ARHGEF3: variants seen among roughly 807,000 people sequenced by gnomAD.
ARHGEF3 encodes Rho guanine nucleotide exchange factor 3.
In ARHGEF3, 28 loss-of-function variants were observed where a neutral mutation model predicts 63.2. That is an observed-to-expected ratio of 0.44 (90% CI 0.33 to 0.61). ARHGEF3 has a LOEUF of 0.61. ARHGEF3 is among the 20% of genes least tolerant of loss of function. The probability of loss-of-function intolerance (pLI) is 0.03; values close to 1 mark genes in which losing one functional copy is unlikely to be tolerated. For missense variants in ARHGEF3, 533 were observed against 659.3 expected, an observed-to-expected ratio of 0.81 and a Z score of 2.10; for synonymous variants, 266 against 254.2, an observed-to-expected ratio of 1.05 and a Z score of -0.44.
At chr3:57,055,820 G>A (rs969330024) in intron 1 of ARHGEF3, among the ~76,000 whole-genome samples, 4 of 152,196 alleles carry the variant, frequency 2.6e-5, no homozygotes, top group Non-Finnish European at 2.9e-5. Context: ...CCTACTGTTT[G>A]AGAGAATTTT....
At chr3:56,971,384 C>A (rs1017803215) in intron 2 of ARHGEF3, among the ~76,000 whole-genome samples, 2 of 152,218 alleles carry the variant, frequency 1.3e-5, no homozygotes, top group Admixed American at 1.3e-4. Flanking sequence ...CGTGCTGGAT[C>A]CTTTATAAAT....
intron 2 of ARHGEF3, among the ~76,000 whole-genome samples, chr3:56,965,442 GT>G (rs1560089717): frequency 6.6e-6 from 1 of 152,044 alleles, no homozygotes; most frequent in African/African-American, 2.4e-5. Flanking sequence ...GCCCCAGACA[GT>G]TTAACTAATG....
intron 4 of ARHGEF3, among the ~76,000 whole-genome samples, chr3:56,873,954 TATATC>T (rs2040510392): frequency 6.6e-6 from 1 of 152,226 alleles, no homozygotes; most frequent in Non-Finnish European, 1.5e-5. Context: ...TACACTTTGT[TATATC>T]ATTCATATCC....
intron 4 of ARHGEF3, among the ~76,000 whole-genome samples, chr3:56,813,428 G>A (rs1365471144): frequency 6.6e-6 from 1 of 152,158 alleles, no homozygotes; most frequent in African/African-American, 2.4e-5. Context: ...TCTGCAGACT[G>A]CCTCAGTTAC....
At chr3:56,867,265 G>A (rs973328312) in intron 4 of ARHGEF3, among the ~76,000 whole-genome samples, 15 of 151,980 alleles carry the variant, frequency 9.9e-5, no homozygotes, top group African/African-American at 3.6e-4. Context: ...AATGTTTATC[G>A]GACACACAAT....
At chr3:57,013,316 G>A (rs1702789969) in intron 2 of ARHGEF3, among the ~76,000 whole-genome samples, 1 of 152,252 alleles carries the variant, frequency 6.6e-6, no homozygotes, top group Admixed American at 6.5e-5. Flanking sequence ...ACTAGGCGAA[G>A]CCAGCTGGGC....
At chr3:56,945,582 G>C (rs1699447631) in intron 3 of ARHGEF3, among the ~76,000 whole-genome samples, 3 of 152,170 alleles carry the variant, frequency 2.0e-5, no homozygotes, top group Admixed American at 2.0e-4. Flanking sequence ...GGCTGGAGGA[G>C]GGGCGCCTGC....
intron 4 of ARHGEF3, among the ~76,000 whole-genome samples, chr3:56,851,431 G>A (rs2039671454): frequency 6.6e-6 from 1 of 152,152 alleles, no homozygotes; most frequent in Non-Finnish European, 1.5e-5. Context: ...CACAGGCTGG[G>A]TGGTTTGTAA....
rs56397347 is a variant in ARHGEF3 at position 56,901,368 on chromosome 3, GTATGTATATGTA to G, written c.130-19026_130-19015del. ...GGAGAGTAAACAAGAGAGTGGCAAAGTATGTATATGTATATGTATATGTATATGTATATGTAT... is the reference window on the plus strand; with the variant it reads ...GGAGAGTAAACAAGAGAGTGGCAAAGTATGTATATGTATATGTATATGTAT... On this transcript the variant is annotated intron_variant, in intron 3 of 12. Coordinates refer to the ARHGEF3 transcript ENST00000338458. Among the ~76,000 whole-genome samples the G allele has an allele frequency of 6.9e-3, 1,021 of 147,954 alleles. 8 individuals carry two copies. Among genetic ancestry groups the G allele is most frequent in the South Asian group, 0.029 (132 of 4,562 alleles).
intron 1 of ARHGEF3, among the ~76,000 whole-genome samples, chr3:56,774,073 C>A (rs545428225): frequency 6.6e-6 from 1 of 152,056 alleles, no homozygotes; most frequent in Admixed American, 6.5e-5. Context: ...GCTCCTTATC[C>A]CTCACCCCCA....
intron 2 of ARHGEF3, among the ~76,000 whole-genome samples, chr3:56,967,845 T>TTATATAATATATAATAACATATTA (rs1700636385): frequency 2.2e-5 from 1 of 45,982 alleles, no homozygotes; most frequent in African/African-American, 7.9e-5. Context: ...AATTATATTA[T>TTATATAATATATAATAACATATTA]TATATAATAT....
intron 3 of ARHGEF3, among the ~76,000 whole-genome samples, chr3:56,914,742 C>CA (rs778443876): frequency 2.4e-4 from 36 of 151,734 alleles, no homozygotes; most frequent in Non-Finnish European, 4.1e-4. Context: ...ATAAGCCAGT[C>CA]AAAAAAAGAC....
In ARHGEF3 at chr3:57,052,148, C is replaced by T. The variant is rs151326817; in HGVS notation, c.-27-16972G>A. On this transcript the variant is annotated intron_variant, in intron 1 of 12. Transcript: ENST00000338458. ...TTTATCCCTAATTTATTCTTGATCA[C>T]CCAATAAAGAAACGGAGGCACACCT... Among the ~76,000 whole-genome samples, 480 of 152,302 alleles carry T rather than the reference C, an allele frequency of 3.2e-3. 5 individuals carry two copies. The highest frequency in any genetic ancestry group is 0.011 in the African/African-American group (455 of 41,556).
intron 1 of ARHGEF3, chr3:57,074,393 T>A: frequency 1.3e-6 from 1 of 767,866 alleles, no homozygotes; most frequent in South Asian, 1.8e-5. Flanking sequence ...TTTCTGCATC[T>A]TCTTAGATAT....
intron 3 of ARHGEF3, among the ~76,000 whole-genome samples, chr3:56,929,543 A>G (rs569879972): frequency 6.6e-6 from 1 of 152,294 alleles, no homozygotes; most frequent in East Asian, 1.9e-4. Flanking sequence ...GAAATTCTGC[A>G]TATCTAATAT....
intron 2 of ARHGEF3, among the ~76,000 whole-genome samples, chr3:56,755,895 C>G (rs978442856): frequency 2.6e-5 from 4 of 152,232 alleles, no homozygotes; most frequent in Non-Finnish European, 5.9e-5. Context: ...TTTACCAATA[C>G]TGCTTGAGCC....
chr3:56,730,343 T>TA (rs375084267), intron 9 of ARHGEF3, among the ~76,000 whole-genome samples: 10 of 149,258 alleles, frequency 6.7e-5, no homozygotes, highest in East Asian at 2.0e-4. Context: ...CATCTGCATT[T>TA]AAAAAAAAAT....
chr3:56,787,080 C>T (rs144229979), intron 1 of ARHGEF3, among the ~76,000 whole-genome samples: 1,532 of 152,200 alleles, frequency 0.01, 104 homozygotes, highest in Admixed American at 0.093. Flanking sequence ...CAATATGGGC[C>T]ATCTACAGAG....
intron 7 of ARHGEF3, among the ~76,000 whole-genome samples, chr3:56,742,409 G>A (rs2034095643): frequency 6.6e-6 from 1 of 152,188 alleles, no homozygotes; most frequent in African/African-American, 2.4e-5. Flanking sequence ...TTTAGGCACT[G>A]CATTAAAGGC....
Sources: gnomAD v4.1 joint callset for allele counts (sites outside exome capture counted in the v4.1 genomes callset) on GRCh38, gnomAD v4.1.1 for gene constraint, MANE v1.5 for transcripts, NCBI Gene and HGNC (gene_info 2026-07-23, HGNC 2026-07-21) for gene names.